RABGAP1L: variants seen among roughly 807,000 people sequenced by gnomAD.
RABGAP1L encodes RAB GTPase activating protein 1 like.
In RABGAP1L, 63 loss-of-function variants were observed where a neutral mutation model predicts 137.7. That is an observed-to-expected ratio of 0.46 (90% CI 0.37 to 0.56). The LOEUF is 0.56. Among genes scored for constraint, RABGAP1L ranks in the 20% least tolerant of loss-of-function variants. The pLI, the probability that RABGAP1L is intolerant of heterozygous loss-of-function variation, is 0.00. For missense variants in RABGAP1L, 1,095 were observed against 1,244.0 expected (o/e 0.88, Z 1.80); for synonymous variants, 431 against 433.7 (o/e 0.99, Z 0.08).
intron 13 of RABGAP1L, among the ~76,000 whole-genome samples, chr1:174,511,415 A>T (rs1002515481): frequency 1.3e-5 from 2 of 152,182 alleles, no homozygotes; most frequent in Admixed American, 1.3e-4. Flanking sequence ...TTACTCTAAG[A>T]AGCATGAATT....
intron 13 of RABGAP1L, among the ~76,000 whole-genome samples, chr1:174,396,219 A>G (rs956877604): frequency 6.6e-6 from 1 of 152,126 alleles, no homozygotes; most frequent in Non-Finnish European, 1.5e-5. Flanking sequence ...TTTTTAGATG[A>G]TGGAAATATT....
intron 13 of RABGAP1L, among the ~76,000 whole-genome samples, chr1:174,484,181 G>A (rs1392859870): frequency 6.6e-6 from 1 of 152,134 alleles, no homozygotes; most frequent in Admixed American, 6.5e-5. Flanking sequence ...ACATATACCT[G>A]TGTGTCATTC....
At chr1:174,561,034 C>T (rs1227842782) in intron 13 of RABGAP1L, among the ~76,000 whole-genome samples, 2 of 152,132 alleles carry the variant, frequency 1.3e-5, no homozygotes, top group African/African-American at 2.4e-5. Flanking sequence ...AAACAAGGCC[C>T]TGAGGTCAAA....
intron 13 of RABGAP1L, among the ~76,000 whole-genome samples, chr1:174,557,930 C>T (rs1379113624): frequency 1.3e-5 from 2 of 152,210 alleles, no homozygotes; most frequent in African/African-American, 4.8e-5. Context: ...TCCAGTGCTA[C>T]CACCTGAGCA....
intron 13 of RABGAP1L, among the ~76,000 whole-genome samples, chr1:174,435,965 T>C (rs1335491921): frequency 2.0e-5 from 3 of 152,180 alleles, no homozygotes; most frequent in East Asian, 3.8e-4. Context: ...TTCATCCGTG[T>C]CCCTACAAAG....
intron 13 of RABGAP1L, among the ~76,000 whole-genome samples, chr1:174,517,840 A>T (rs1663004432): frequency 6.6e-6 from 1 of 152,150 alleles, no homozygotes; most frequent in Admixed American, 6.5e-5. Flanking sequence ...ATAGTTCTTT[A>T]TATTTTCAGT....
chr1:174,905,185 A>C (rs1186766568), intron 19 of RABGAP1L, among the ~76,000 whole-genome samples: 1 of 152,234 alleles, frequency 6.6e-6, no homozygotes, highest in Non-Finnish European at 1.5e-5. Flanking sequence ...GAAAATACTG[A>C]AATAAATAAC....
intron 1 of RABGAP1L, among the ~76,000 whole-genome samples, chr1:174,202,331 A>G (rs1413399697): frequency 6.6e-6 from 1 of 152,050 alleles, no homozygotes; most frequent in African/African-American, 2.4e-5. Context: ...TGACTTTTTA[A>G]TGATTCCCAT....
chr1:174,577,120 G>C (rs981704572), intron 13 of RABGAP1L, among the ~76,000 whole-genome samples: 1 of 151,748 alleles, frequency 6.6e-6, no homozygotes, highest in African/African-American at 2.4e-5. Context: ...AGGAGTTAGA[G>C]GTTACAATGA....
intron 18 of RABGAP1L, among the ~76,000 whole-genome samples, chr1:174,802,234 C>A (rs1688823403): frequency 6.6e-6 from 1 of 152,204 alleles, no homozygotes; most frequent in Admixed American, 6.5e-5. Context: ...AGTAGTGCAT[C>A]TCTCAGGTGG....
intron 13 of RABGAP1L, among the ~76,000 whole-genome samples, chr1:174,477,467 G>C (rs1658620874): frequency 2.0e-5 from 3 of 152,114 alleles, no homozygotes; most frequent in Admixed American, 6.6e-5. Flanking sequence ...AGTAGGAAAG[G>C]AAGTAGAGAA....
chr1:174,982,512 C>T (rs1203717768), intron 23 of RABGAP1L, among the ~76,000 whole-genome samples: 1 of 152,194 alleles, frequency 6.6e-6, no homozygotes, highest in East Asian at 1.9e-4. Context: ...AAAGTGAATA[C>T]TCAGCAAAGA....
intron 13 of RABGAP1L, among the ~76,000 whole-genome samples, chr1:174,631,358 A>C (rs1274686995): frequency 7.2e-6 from 1 of 139,280 alleles, no homozygotes; most frequent in Non-Finnish European, 1.5e-5. Flanking sequence ...GCTGAAAAAA[A>C]TGTATATTCT....
At chr1:174,765,833 G>C (rs1427086501) in intron 18 of RABGAP1L, among the ~76,000 whole-genome samples, 1 of 152,062 alleles carries the variant, frequency 6.6e-6, no homozygotes, top group Non-Finnish European at 1.5e-5. Flanking sequence ...TCTTCTAAGG[G>C]TTTTATAATT....
intron 13 of RABGAP1L, among the ~76,000 whole-genome samples, chr1:174,433,426 A>C (rs1652871021): frequency 6.6e-6 from 1 of 152,228 alleles, no homozygotes. Flanking sequence ...CCCACTAAGA[A>C]GGTGGTAAAT....
At chr1:174,954,593 C>T (rs548010915) in intron 19 of RABGAP1L, among the ~76,000 whole-genome samples, 4 of 152,216 alleles carry the variant, frequency 2.6e-5, no homozygotes, top group Non-Finnish European at 5.9e-5. Flanking sequence ...CACAAGCTTC[C>T]AGTATGTAAT....
At chr1:174,820,346 C>G (rs1690889084) in intron 19 of RABGAP1L, among the ~76,000 whole-genome samples, 1 of 152,054 alleles carries the variant, frequency 6.6e-6, no homozygotes, top group South Asian at 2.1e-4. Context: ...AGCGTTTGCC[C>G]ATTTCCATGG....
chr1:174,581,927 A>G (rs1000728560), intron 13 of RABGAP1L, among the ~76,000 whole-genome samples: 2 of 152,214 alleles, frequency 1.3e-5, no homozygotes, highest in African/African-American at 4.8e-5. Flanking sequence ...TAGCAGGGCT[A>G]GATAGAGAAT....
intron 19 of RABGAP1L, among the ~76,000 whole-genome samples, chr1:174,925,433 A>G (rs2149244163): frequency 1.3e-5 from 2 of 151,636 alleles, no homozygotes; most frequent in South Asian, 4.2e-4. Flanking sequence ...TGGCAGGAGC[A>G]TGTCTGGTGT....
Sources: gnomAD v4.1 joint callset for allele counts (sites outside exome capture counted in the v4.1 genomes callset) on GRCh38, gnomAD v4.1.1 for gene constraint, MANE v1.5 for transcripts, NCBI Gene and HGNC (gene_info 2026-07-23, HGNC 2026-07-21) for gene names.